The following HCN1 variants were observed in gnomAD, a reference collection of about 807,000 sequenced individuals.
HCN1 encodes potassium/sodium hyperpolarization-activated cyclic nucleotide-gated channel 1.
A neutral mutation model predicts 78.9 loss-of-function variants in HCN1; 13 were observed. The observed-to-expected ratio is 0.16, with a 90% CI of 0.11 to 0.26. HCN1 has a LOEUF of 0.26. HCN1 is among the 10% of genes least tolerant of loss of function. The probability of loss-of-function intolerance (pLI) is 1.00; values close to 1 mark genes in which losing one functional copy is unlikely to be tolerated. For missense variants in HCN1, 810 were observed against 1,154.3 expected, an observed-to-expected ratio of 0.70 and a Z score of 4.32; for synonymous variants, 552 against 455.5, an observed-to-expected ratio of 1.21 and a Z score of -2.70.
chr5:45,509,233 T>C (rs184237210), intron 2 of HCN1, among the ~76,000 whole-genome samples: 1 of 152,130 alleles, frequency 6.6e-6, no homozygotes, highest in South Asian at 2.1e-4. Context: ...GATTGCCACA[T>C]AATATCTCAG....
intron 2 of HCN1, among the ~76,000 whole-genome samples, chr5:45,639,773 AAACCTCTCTTCT>A (rs1745419319): frequency 6.6e-6 from 1 of 152,192 alleles, no homozygotes; most frequent in Non-Finnish European, 1.5e-5. Flanking sequence ...AGGAAGTGAT[AAACCTCTCTTCT>A]AACTGGTGGT....
chr5:45,680,475 G>A (rs1305517735), intron 1 of HCN1, among the ~76,000 whole-genome samples: 1 of 152,072 alleles, frequency 6.6e-6, no homozygotes, highest in East Asian at 1.9e-4. Flanking sequence ...TGGTAGCCAT[G>A]AAAGTTTTCA....
At chr5:45,275,019 G>A (rs898126107) in intron 6 of HCN1, among the ~76,000 whole-genome samples, 1 of 152,152 alleles carries the variant, frequency 6.6e-6, no homozygotes, top group Non-Finnish European at 1.5e-5. Context: ...GCCGAGGGGG[G>A]CAGATCACTT....
chr5:45,581,952 T>G (rs1004560640), intron 2 of HCN1, among the ~76,000 whole-genome samples: 3 of 152,148 alleles, frequency 2.0e-5, no homozygotes, highest in Non-Finnish European at 4.4e-5. Context: ...AGTCAGGTAG[T>G]GTGATGCCTC....
chr5:45,645,089 T>A lies in HCN1; in HGVS notation c.849+96A>T, dbSNP rs577105087. ...AATACATTTTTCTACTTGAATTTCATAAAACTCATTACACATTGCACAGTT... is the reference window on the plus strand; with the variant it reads ...AATACATTTTTCTACTTGAATTTCAAAAAACTCATTACACATTGCACAGTT... On this transcript the variant is annotated intron_variant, in intron 2 of 7. Coordinates refer to ENST00000303230, the MANE Select transcript of HCN1 (RefSeq NM_021072.4). 5 of 903,648 alleles carry A rather than the reference T, an allele frequency of 5.5e-6. No homozygotes were observed. The Admixed American group carries it at 9.5e-5, about 17-fold the overall frequency. The allele number at this position is 903,648 out of a possible 1,614,324, so 56.0% of individuals were successfully genotyped here. A position where few individuals can be genotyped will look rare whatever the true frequency, so the allele number is the denominator to read the frequency against.
intron 1 of HCN1, among the ~76,000 whole-genome samples, chr5:45,670,511 C>A (rs1580039029): frequency 6.6e-6 from 1 of 151,674 alleles, no homozygotes; most frequent in Non-Finnish European, 1.5e-5. Context: ...CATTAAGAAT[C>A]ATCCTCAATT....
intron 5 of HCN1, among the ~76,000 whole-genome samples, chr5:45,352,168 C>A (rs1746919032): frequency 6.6e-6 from 1 of 152,124 alleles, no homozygotes; most frequent in Non-Finnish European, 1.5e-5. Flanking sequence ...AAATGTGGCA[C>A]ATATACACCA....
At chr5:45,420,519 G>A (rs1389319318) in intron 3 of HCN1, among the ~76,000 whole-genome samples, 8 of 152,134 alleles carry the variant, frequency 5.3e-5, no homozygotes, top group Non-Finnish European at 1.2e-4. Context: ...GTAATAGTTA[G>A]GGTGGGGAGG....
rs368406625 is a variant in HCN1 at position 45,387,635 on chromosome 5, C to T, written c.1230+8857G>A. Among the ~76,000 whole-genome samples, 11 of 152,074 alleles carry T rather than the reference C, an allele frequency of 7.2e-5. No homozygotes were observed. The East Asian group carries it at 1.2e-3, about 16-fold the overall frequency. ...ATGGCTTAAGAGAAGATAGCAATTTCGCCCTACATTTTATTATTTTGCCAC... is the reference window on the plus strand; with the variant it reads ...ATGGCTTAAGAGAAGATAGCAATTTTGCCCTACATTTTATTATTTTGCCAC... On this transcript the variant is annotated intron_variant, in intron 4 of 7. Transcript: ENST00000303230.
intron 2 of HCN1, among the ~76,000 whole-genome samples, chr5:45,620,917 A>T (rs955938329): frequency 6.6e-6 from 1 of 152,150 alleles, no homozygotes; most frequent in Non-Finnish European, 1.5e-5. Flanking sequence ...ATCCTTCCAG[A>T]TGGTTGGGAT....
rs1744615591 is a variant in HCN1, at chr5:45,256,395, G to A, written c.*5526C>T. Reference sequence around the variant, plus strand: ...CTTAAAAAAAAAAAAAAAAAAAGATGTTTCCCTTTGGGAGTAAATGGCCAT... The same window carrying A: ...CTTAAAAAAAAAAAAAAAAAAAGATATTTCCCTTTGGGAGTAAATGGCCAT... On this transcript the variant is annotated 3_prime_UTR_variant, in exon 8 of 8. Coordinates refer to ENST00000303230, the MANE Select transcript of HCN1 (RefSeq NM_021072.4). 7.0e-6 allele frequency: 1 copy of A among 142,806 alleles called. No homozygotes were observed. The highest frequency in any genetic ancestry group is 2.2e-4 in the South Asian group (1 of 4,630). The allele number at this position is 142,806 out of a possible 1,614,324, so 8.8% of individuals were successfully genotyped here.
intron 2 of HCN1, among the ~76,000 whole-genome samples, chr5:45,498,386 G>T (rs1340329483): frequency 1.3e-5 from 2 of 152,132 alleles, no homozygotes; most frequent in Non-Finnish European, 2.9e-5. Context: ...ATTGGCTCCT[G>T]AGGCTTCTGC....
intron 3 of HCN1, among the ~76,000 whole-genome samples, chr5:45,398,425 G>C (rs1739725655): frequency 6.6e-6 from 1 of 151,990 alleles, no homozygotes; most frequent in East Asian, 1.9e-4. Flanking sequence ...TAATTTAAGT[G>C]TACTCATTTG....
intron 5 of HCN1, among the ~76,000 whole-genome samples, chr5:45,352,407 G>A (rs1478012840): frequency 6.6e-6 from 1 of 151,964 alleles, no homozygotes; most frequent in African/African-American, 2.4e-5. Context: ...ATAGCATTAG[G>A]AGATATACCT....
chr5:45,326,386 C>T (rs1746233802), intron 5 of HCN1, among the ~76,000 whole-genome samples: 1 of 151,576 alleles, frequency 6.6e-6, no homozygotes, highest in African/African-American at 2.4e-5. Context: ...TTTTTCTACA[C>T]TTGTACCACA....
chr5:45,695,363 T>C (rs2112108234), intron 1 of HCN1, among the ~76,000 whole-genome samples: 1 of 152,232 alleles, frequency 6.6e-6, no homozygotes, highest in African/African-American at 2.4e-5. Flanking sequence ...CTTGTACAAC[T>C]TCGCCTCCTC....
At chr5:45,381,072 G>A (rs1035885530) in intron 4 of HCN1, among the ~76,000 whole-genome samples, 2 of 152,152 alleles carry the variant, frequency 1.3e-5, no homozygotes, top group African/African-American at 4.8e-5. Flanking sequence ...TAGATTTCCT[G>A]TTCAATTTCT....
chr5:45,532,922 T>C (rs935062426), intron 2 of HCN1, among the ~76,000 whole-genome samples: 6 of 152,200 alleles, frequency 3.9e-5, no homozygotes, highest in East Asian at 1.9e-4. Flanking sequence ...TTCCAAGGAA[T>C]AGGTTCTCTT....
intron 2 of HCN1, among the ~76,000 whole-genome samples, chr5:45,502,854 A>T (rs1742219099): frequency 6.6e-6 from 1 of 152,190 alleles, no homozygotes; most frequent in African/African-American, 2.4e-5. Flanking sequence ...AGGAATTTTA[A>T]CGTCCTGCAT....
Sources: allele counts gnomAD v4.1 joint callset (sites outside exome capture counted in the v4.1 genomes callset), GRCh38; gene constraint gnomAD v4.1.1; transcripts MANE v1.5; gene names NCBI Gene and HGNC (gene_info 2026-07-23, HGNC 2026-07-21).